Variants in OSBPL9 observed in about 807,000 individuals in gnomAD.
OSBPL9 encodes the protein oxysterol binding protein like 9, also known as oxysterol-binding protein-related protein 9.
Under a neutral mutation model 106.6 loss-of-function variants are expected in OSBPL9, and 40 were observed. The observed-to-expected ratio is 0.38, with a 90% CI of 0.29 to 0.49. The LOEUF (loss-of-function observed/expected upper bound fraction) is 0.49, where lower values mean the gene tolerates loss of function less well. OSBPL9 is among the 20% of genes least tolerant of loss of function. The probability of loss-of-function intolerance (pLI) is 0.97; values close to 1 mark genes in which losing one functional copy is unlikely to be tolerated. For synonymous variants in OSBPL9, 269 were observed against 295.4 expected, an observed-to-expected ratio of 0.91 and a Z score of 0.92; for missense variants, 609 against 887.2, an observed-to-expected ratio of 0.69 and a Z score of 3.98.
At chr1:51,681,940 G>A (rs1338866701) in intron 3 of OSBPL9, among the ~76,000 whole-genome samples, 8 of 152,068 alleles carry the variant, frequency 5.3e-5, no homozygotes, top group South Asian at 2.1e-4. Context: ...GGTGACTCAC[G>A]CCTGTAATCC....
the OSBPL9 span, among the ~76,000 whole-genome samples, chr1:51,518,786 T>TGCGGCCGGCCCGCGCGA: frequency 6.6e-6 from 1 of 150,508 alleles, no homozygotes; most frequent in Admixed American, 6.6e-5. Flanking sequence ...GGCCCGGGGG[T>TGCGGCCGGCCCGCGCGA]GCGGCCGGCC....
chr1:51,787,658 T>G (rs1480088996), intron 23 of OSBPL9, 57 bp from the exon 24 acceptor site: 1 of 1,597,218 alleles, frequency 6.3e-7, no homozygotes, highest in Non-Finnish European at 8.6e-7. Flanking sequence ...AAATAGTAAG[T>G]ATATTACAGA....
chr1:51,671,055 CAAG>C (rs1382534734), intron 3 of OSBPL9, among the ~76,000 whole-genome samples: 2 of 152,134 alleles, frequency 1.3e-5, no homozygotes, highest in Non-Finnish European at 2.9e-5. Flanking sequence ...GCTTATAAAA[CAAG>C]AAATATTCCT....
intron 2 of OSBPL9, among the ~76,000 whole-genome samples, chr1:51,668,261 A>G (rs1444232275): frequency 1.3e-5 from 2 of 152,006 alleles, no homozygotes; most frequent in Admixed American, 6.5e-5. Context: ...TAGATTCCCT[A>G]TTTTGCTTAG....
At chr1:51,715,237 T>C (rs919152650) in intron 4 of OSBPL9, among the ~76,000 whole-genome samples, 7 of 152,118 alleles carry the variant, frequency 4.6e-5, no homozygotes, top group Non-Finnish European at 2.9e-5. Context: ...TTAAAGGATG[T>C]GGTTATTAGG....
intron 1 of OSBPL9, among the ~76,000 whole-genome samples, chr1:51,644,768 G>A (rs901269820): frequency 3.9e-5 from 6 of 152,084 alleles, no homozygotes; most frequent in East Asian, 1.9e-4. Flanking sequence ...CCTCTGCCTG[G>A]GACTTTGCCC....
At chr1:51,567,794 A>C in the OSBPL9 span, 1 of 152,216 alleles carries the variant, frequency 6.6e-6, no homozygotes, top group African/African-American at 2.4e-5. Flanking sequence ...TCTCTCAGTA[A>C]TGAGGGATGA....
chr1:51,737,020 T>C (rs1405777595), intron 4 of OSBPL9, among the ~76,000 whole-genome samples: 1 of 152,052 alleles, frequency 6.6e-6, no homozygotes, highest in African/African-American at 2.4e-5. Flanking sequence ...GTCATGATCA[T>C]GTTGTTGGCA....
chr1:51,522,720 G>T, the OSBPL9 span, among the ~76,000 whole-genome samples: 5 of 152,162 alleles, frequency 3.3e-5, no homozygotes, highest in Non-Finnish European at 7.3e-5. Flanking sequence ...ACAACTTAAT[G>T]TCTCTGGGTC....
chr1:51,730,068 G>T lies in OSBPL9; in HGVS notation c.319-15468G>T, dbSNP rs377235353. 4.9e-5 allele frequency: 63 copies of T among 1,275,116 alleles called. No individual in the cohort carries two copies. In the South Asian group the frequency reaches 2.2e-3, roughly 44 times the overall value. The allele number at this position is 1,275,116 out of a possible 1,614,324, so 79.0% of individuals were successfully genotyped here. A position where few individuals can be genotyped will look rare whatever the true frequency, so the allele number is the denominator to read the frequency against. Reference sequence around the variant, plus strand: ...CCCCTGAGTCCCCGGGGTCCCGGCCGCCAGGCCGGAGCGCGAATGTCGTGC... The same window carrying T: ...CCCCTGAGTCCCCGGGGTCCCGGCCTCCAGGCCGGAGCGCGAATGTCGTGC... On this transcript the variant is annotated intron_variant, in intron 4 of 23. Transcript: ENST00000428468.
In OSBPL9 at chr1:51,729,583, T is replaced by G; in HGVS notation, c.318+15504T>G. 1 of 174,348 alleles carries G rather than the reference T, an allele frequency of 5.7e-6. No homozygotes were observed. The allele number at this position is 174,348 out of a possible 1,614,324, so 10.8% of individuals were successfully genotyped here. On this transcript the variant is annotated intron_variant, in intron 4 of 23. Coordinates refer to ENST00000428468, the MANE Select transcript of OSBPL9 (RefSeq NM_024586.6). The surrounding 1 kb of genome is among the most constrained non-coding windows in gnomAD (Gnocchi z 5.1). ...CCCACGGAGGCGGCTGGGTCGCGGG[T>G]CTGGGCGGGGCGCTCCGGACGCCCT... is the stretch of plus-strand genomic sequence containing the variant.
At chr1:51,682,594 C>T (rs1176963372) in intron 3 of OSBPL9, among the ~76,000 whole-genome samples, 1 of 151,918 alleles carries the variant, frequency 6.6e-6, no homozygotes, top group Non-Finnish European at 1.5e-5. Context: ...CCCATCTCTA[C>T]TAAAAATACA....
At chr1:51,658,994 A>G (rs1353382059) in intron 2 of OSBPL9, among the ~76,000 whole-genome samples, 3 of 152,122 alleles carry the variant, frequency 2.0e-5, no homozygotes, top group African/African-American at 4.8e-5. Flanking sequence ...GTAAACATCT[A>G]TTTAATCTCT....
chr1:51,749,924 T>G (rs1668887429), intron 7 of OSBPL9, among the ~76,000 whole-genome samples: 1 of 150,962 alleles, frequency 6.6e-6, no homozygotes, highest in Admixed American at 6.6e-5. Context: ...TTAGTATAAA[T>G]TAACAATTTG....
chr1:51,781,032 C>A, intron 15 of OSBPL9, 132 bp from the exon 16 acceptor site: 1 of 666,568 alleles, frequency 1.5e-6, no homozygotes, highest in Non-Finnish European at 2.5e-6. Flanking sequence ...TAAAATGAAA[C>A]TGTAAGCTAA....
chr1:51,783,288 C>T (rs1363907726), intron 17 of OSBPL9, among the ~76,000 whole-genome samples: 1 of 152,056 alleles, frequency 6.6e-6, no homozygotes, highest in Non-Finnish European at 1.5e-5. Context: ...GATCCTCCCA[C>T]CTCAGCCTCC....
At chr1:51,651,290 CT>C (rs1646500715) in intron 1 of OSBPL9, among the ~76,000 whole-genome samples, 1 of 152,064 alleles carries the variant, frequency 6.6e-6, no homozygotes, top group South Asian at 2.1e-4. Context: ...GTATGGTCTT[CT>C]GTTTGCCTTT....
the OSBPL9 span, among the ~76,000 whole-genome samples, chr1:51,552,791 A>AT: frequency 6.6e-6 from 1 of 151,716 alleles, no homozygotes; most frequent in Non-Finnish European, 1.5e-5. Context: ...TGCCCGGCTA[A>AT]TTTTTTTATT....
Position 51,668,590 on chromosome 1 carries a change from C to G in OSBPL9, c.163-844C>G, listed in dbSNP as rs184695666. On this transcript the variant is annotated intron_variant, in intron 2 of 23. Coordinates refer to ENST00000428468, the MANE Select transcript of OSBPL9 (RefSeq NM_024586.6). ...TGAGCCGAGATCGTGCCACTGCACTCCAGCCTGGGTGACAGCCTAGGCAAC... is the reference window on the plus strand; with the variant it reads ...TGAGCCGAGATCGTGCCACTGCACTGCAGCCTGGGTGACAGCCTAGGCAAC... Among the ~76,000 whole-genome samples the G allele has an allele frequency of 6.9e-3, 1,053 of 152,250 alleles. 7 individuals are homozygous for G. Among genetic ancestry groups the G allele is most frequent in the South Asian group, 0.017 (84 of 4,826 alleles).
Sources: gnomAD v4.1 joint callset for allele counts (sites outside exome capture counted in the v4.1 genomes callset) on GRCh38, gnomAD v4.1.1 for gene constraint, Gnocchi (gnomAD v3.1) non-coding constraint, MANE v1.5 for transcripts, NCBI Gene and HGNC (gene_info 2026-07-23, HGNC 2026-07-21) for gene names.